Variants in RSPH14 observed in about 807,000 individuals in gnomAD.
The protein encoded by RSPH14 is rhabdoid tumor deletion region gene 1.
Under a neutral mutation model 26.7 loss-of-function variants are expected in RSPH14, and 20 were observed. That is an observed-to-expected ratio of 0.75 (90% confidence interval 0.53 to 1.09). The LOEUF (loss-of-function observed/expected upper bound fraction) is 1.09, where lower values mean the gene tolerates loss of function less well. Ranked by LOEUF, RSPH14 falls within the 50% of genes least tolerant of loss-of-function variation. The pLI is 0.00. For missense variants in RSPH14, 449 were observed against 457.2 expected (o/e 0.98, Z 0.16); for synonymous variants, 177 against 189.3 (o/e 0.93, Z 0.53).
intron 4 of RSPH14, chr22:23,133,089 C>T (rs1201485066): frequency 6.6e-6 from 1 of 152,160 alleles, no homozygotes; most frequent in African/African-American, 2.4e-5. Context: ...CAGCCATTCT[C>T]TTCTTAGGTA....
At chr22:23,102,621 C>T (rs1479032403) in intron 4 of RSPH14, among the ~76,000 whole-genome samples, 1 of 152,240 alleles carries the variant, frequency 6.6e-6, no homozygotes, top group Admixed American at 6.5e-5. Context: ...ACCTGCTCTG[C>T]CTGCAGGGCC....
chr22:23,143,723 A>G (rs141486291), upstream of RSPH14, among the ~76,000 whole-genome samples: 63 of 152,342 alleles, frequency 4.1e-4, no homozygotes, highest in African/African-American at 1.2e-3. Flanking sequence ...TAACACTTGT[A>G]TGCTTTTCTC....
chr22:23,142,231 C>T (rs1412020994), upstream of RSPH14: 1 of 154,330 alleles, frequency 6.5e-6, no homozygotes, highest in African/African-American at 2.4e-5. Flanking sequence ...GTACTGGGTA[C>T]TTTGCATGCC....
chr22:23,166,347 T>C, the RSPH14 span, among the ~76,000 whole-genome samples: 1 of 56,614 alleles, frequency 1.8e-5, no homozygotes, highest in East Asian at 6.2e-4. Flanking sequence ...TCTGATGCAT[T>C]GGGGGCCAAT....
chr22:23,059,454 T>C lies in RSPH14; in HGVS notation c.*8A>G, dbSNP rs200192920. On this transcript the variant is annotated 3_prime_UTR_variant, in exon 7 of 7. Coordinates refer to ENST00000216036, the MANE Select transcript of RSPH14 (RefSeq NM_014433.3). The stretch of plus-strand genomic sequence containing the variant: ...ACATTTATTCACTCACAGAGGTGAA[T>C]GAAGGGCTCAGGGTTTGAACTCGAT... 5.5e-5 allele frequency: 88 copies of C among 1,589,236 alleles called. No homozygotes were observed. Among genetic ancestry groups the C allele is most frequent in the Non-Finnish European group, 6.8e-5 (79 of 1,164,250 alleles).
chr22:23,168,723 CCT>C, the RSPH14 span, among the ~76,000 whole-genome samples: 1 of 152,150 alleles, frequency 6.6e-6, no homozygotes, highest in African/African-American at 2.4e-5. Context: ...CCAGGCACCC[CCT>C]CAGTATTCAG....
chr22:23,112,701 A>G (rs1320748084), intron 4 of RSPH14, among the ~76,000 whole-genome samples: 3 of 152,192 alleles, frequency 2.0e-5, no homozygotes, highest in Non-Finnish European at 4.4e-5. Flanking sequence ...GGTAAGCACG[A>G]TGCAGCTGCG....
chr22:23,159,023 T>C, the RSPH14 span: 2 of 1,601,198 alleles, frequency 1.2e-6, no homozygotes, highest in Admixed American at 1.7e-5. Context: ...CTTGGGAAAA[T>C]GCCTCCCCTT....
chr22:23,113,185 G>A (rs1953410087), intron 4 of RSPH14, among the ~76,000 whole-genome samples: 1 of 152,210 alleles, frequency 6.6e-6, no homozygotes, highest in Admixed American at 6.5e-5. Flanking sequence ...ACAGCTGAGT[G>A]TTCTGACGTT....
At chr22:23,161,603 C>A in the RSPH14 span, 2 of 1,511,988 alleles carry the variant, frequency 1.3e-6, no homozygotes, top group Non-Finnish European at 1.8e-6. Flanking sequence ...CCTGCACACA[C>A]ACGGACAGGA....
chr22:23,167,718 T>C, the RSPH14 span, among the ~76,000 whole-genome samples: 7 of 152,066 alleles, frequency 4.6e-5, no homozygotes, highest in Non-Finnish European at 8.8e-5. Flanking sequence ...TTTATTTTTT[T>C]TTTTAAGGCA....
chr22:23,158,872 T>A, the RSPH14 span: 1 of 1,603,084 alleles, frequency 6.2e-7, no homozygotes, highest in Non-Finnish European at 8.5e-7. Flanking sequence ...TGGGTGAATC[T>A]CTCAGCCTCT....
chr22:23,122,190 A>C (rs1449395019), intron 4 of RSPH14, among the ~76,000 whole-genome samples: 1 of 152,228 alleles, frequency 6.6e-6, no homozygotes, highest in Non-Finnish European at 1.5e-5. Context: ...TTCATTTTGC[A>C]GGGAAGTGGT....
At chr22:23,105,664 C>T (rs574958772) in intron 4 of RSPH14, among the ~76,000 whole-genome samples, 2 of 152,344 alleles carry the variant, frequency 1.3e-5, no homozygotes, top group Admixed American at 6.5e-5. Context: ...ATGGTGATGG[C>T]GTGCAAGCTC....
At chr22:23,111,046 G>T (rs956545195) in intron 4 of RSPH14, among the ~76,000 whole-genome samples, 2 of 152,212 alleles carry the variant, frequency 1.3e-5, no homozygotes, top group Non-Finnish European at 2.9e-5. Context: ...ATAGCACTGG[G>T]ATTCCAGCAG....
intron 4 of RSPH14, among the ~76,000 whole-genome samples, chr22:23,101,305 G>GC (rs202037984): frequency 0.04 from 6,164 of 152,254 alleles, 169 homozygotes; most frequent in Non-Finnish European, 0.063. Context: ...AATTCCAGTG[G>GC]CCCCCCTCTT....
chr22:23,061,535 C>T (rs923846386), intron 6 of RSPH14, among the ~76,000 whole-genome samples: 5 of 152,080 alleles, frequency 3.3e-5, no homozygotes, highest in Non-Finnish European at 7.4e-5. Context: ...GGGTGGGAGG[C>T]GGGAATTCCA....
At chr22:23,130,168 AAAG>A (rs889548089) in intron 4 of RSPH14, among the ~76,000 whole-genome samples, 1 of 144,334 alleles carries the variant, frequency 6.9e-6, no homozygotes, top group Non-Finnish European at 1.5e-5. Flanking sequence ...AGAAAAAGAA[AAAG>A]AAGGCCGGGC....
At chr22:23,128,774 C>A (rs1247156266) in intron 4 of RSPH14, among the ~76,000 whole-genome samples, 1 of 152,218 alleles carries the variant, frequency 6.6e-6, no homozygotes, top group Non-Finnish European at 1.5e-5. Flanking sequence ...AATGAGCAAG[C>A]AGGTAAGTGA....
Sources: allele counts gnomAD v4.1 joint callset (sites outside exome capture counted in the v4.1 genomes callset), GRCh38; gene constraint gnomAD v4.1.1; transcripts MANE v1.5; gene names NCBI Gene and HGNC (gene_info 2026-07-23, HGNC 2026-07-21).